The following LRCH1 variants were observed in gnomAD, a reference collection of about 807,000 sequenced individuals.
LRCH1 encodes leucine rich repeats and calponin homology domain containing 1.
In LRCH1, 23 loss-of-function variants were observed where a neutral mutation model predicts 94.9. The ratio of observed to expected loss-of-function variants is 0.24; its 90% CI spans 0.17 to 0.34. The LOEUF (loss-of-function observed/expected upper bound fraction) is 0.34. LRCH1 is among the 10% of genes least tolerant of loss of function. The pLI, the probability that LRCH1 is intolerant of heterozygous loss-of-function variation, is 1.00. For synonymous variants in LRCH1, 364 were observed against 354.9 expected (o/e 1.03, Z -0.29); for missense variants, 790 against 945.9 (o/e 0.84, Z 2.16).
intron 1 of LRCH1, among the ~76,000 whole-genome samples, chr13:46,556,458 TAATAGGTG>T (rs1243479063): frequency 6.6e-6 from 1 of 152,200 alleles, no homozygotes; most frequent in Non-Finnish European, 1.5e-5. Flanking sequence ...TCTAGTCTTT[TAATAGGTG>T]AAACGGGGAA....
chr13:46,671,634 G>A (rs920980084), intron 3 of LRCH1, among the ~76,000 whole-genome samples: 1 of 152,158 alleles, frequency 6.6e-6, no homozygotes, highest in Non-Finnish European at 1.5e-5. Context: ...TGAAAGTGAC[G>A]GTCATATGCT....
chr13:46,604,973 T>G lies in LRCH1; in HGVS notation c.308-45228T>G, dbSNP rs542883626. Among the ~76,000 whole-genome samples, 16 of 152,316 alleles carry G rather than the reference T, an allele frequency of 1.1e-4. 1 individual carries two copies. The South Asian group carries it at 3.3e-3, about 32-fold the overall frequency. ...TGAACAAAAGCTTAGATGAGAAAAGTCCATCTGATTGATGCCTGGCTAATT... is the reference window on the plus strand; with the variant it reads ...TGAACAAAAGCTTAGATGAGAAAAGGCCATCTGATTGATGCCTGGCTAATT... On this transcript the variant is annotated intron_variant, in intron 1 of 19. Transcript: ENST00000389797.
At chr13:46,616,950 G>T (rs938947913) in intron 1 of LRCH1, among the ~76,000 whole-genome samples, 1 of 152,240 alleles carries the variant, frequency 6.6e-6, no homozygotes, top group Admixed American at 6.5e-5. Flanking sequence ...TCTTAAGGGT[G>T]GGGGAGATTA....
At chr13:46,687,122 A>G (rs1378998936) in intron 5 of LRCH1, among the ~76,000 whole-genome samples, 1 of 151,610 alleles carries the variant, frequency 6.6e-6, no homozygotes, top group Non-Finnish European at 1.5e-5. Context: ...CCACACCTGG[A>G]TAGTTTTTGT....
chr13:46,750,713 C>T (rs1213637335), exon 19 of LRCH1: 2 of 1,160,704 alleles, frequency 1.7e-6, no homozygotes, highest in African/African-American at 1.5e-5. Context: ...AACTCTGCTC[C>T]AGGCACCTGT....
Position 46,658,367 on chromosome 13 carries a change from A to G in LRCH1, c.452+8022A>G, listed in dbSNP as rs528745431. Among the ~76,000 whole-genome samples, 3 of 152,258 alleles carry G rather than the reference A, an allele frequency of 2.0e-5. No individual in the cohort carries two copies. The East Asian group carries it at 5.8e-4, about 29-fold the overall frequency. Reference sequence around the variant, plus strand: ...TTTTAAGTCCACAATTTCCCTGTCCATAGTGCTTTAGCTGACTCCTAAAAG... The same window carrying G: ...TTTTAAGTCCACAATTTCCCTGTCCGTAGTGCTTTAGCTGACTCCTAAAAG... On this transcript the variant is annotated intron_variant, in intron 2 of 19. Transcript: ENST00000389797.
chr13:46,581,353 G>C (rs1056192269), intron 1 of LRCH1, among the ~76,000 whole-genome samples: 8 of 152,184 alleles, frequency 5.3e-5, no homozygotes, highest in Admixed American at 1.3e-4. Flanking sequence ...GGCTAGGTGG[G>C]AAGGCCTGGG....
At chr13:46,674,510 A>G (rs1453103528) in intron 3 of LRCH1, among the ~76,000 whole-genome samples, 1 of 152,212 alleles carries the variant, frequency 6.6e-6, no homozygotes, top group Admixed American at 6.5e-5. Context: ...GGGTCATTTC[A>G]GATGGGAATG....
At chr13:46,745,664 A>G (rs1054308301), downstream of LRCH1, among the ~76,000 whole-genome samples, 4 of 152,224 alleles carry the variant, frequency 2.6e-5, no homozygotes, top group Admixed American at 6.5e-5. Flanking sequence ...AAACTGATGC[A>G]GGAACTTAAA....
At chr13:46,734,052 A>G (rs888728133) in intron 19 of LRCH1, 54 bp downstream of exon 19, 2 of 992,974 alleles carry the variant, frequency 2.0e-6, no homozygotes, top group African/African-American at 1.6e-5. Context: ...TTTATTTAAT[A>G]TATGAGTTTG....
At chr13:46,751,995 T>C (rs918080333) in exon 19 of LRCH1, 4 of 152,406 alleles carry the variant, frequency 2.6e-5, no homozygotes, top group Non-Finnish European at 4.4e-5. Context: ...AGTGAGTCGT[T>C]GTGAGCCTGT....
At chr13:46,628,601 G>A (rs2050978850) in intron 1 of LRCH1, among the ~76,000 whole-genome samples, 2 of 146,326 alleles carry the variant, frequency 1.4e-5, no homozygotes, top group African/African-American at 5.1e-5. Flanking sequence ...AGGTTGCAGT[G>A]AGCCGAGATC....
chr13:46,735,890 G>A (rs1246332866), intron 19 of LRCH1, among the ~76,000 whole-genome samples: 9 of 150,088 alleles, frequency 6.0e-5, no homozygotes, highest in Admixed American at 3.3e-4. Flanking sequence ...TCCACTTCCC[G>A]GGTTCAAGCG....
chr13:46,742,659 T>C lies in LRCH1; in HGVS notation c.*811T>C. 1 of 985,408 alleles carries C rather than the reference T, an allele frequency of 1.0e-6. No homozygotes were observed. The allele number at this position is 985,408 out of a possible 1,614,324, so 61.0% of individuals were successfully genotyped here. ...CTTAGAAAAGCGTTTTCCAGAGAGA[T>C]TTCTATTTTTGAACAATGGAACGGA... On this transcript the variant is annotated 3_prime_UTR_variant, in exon 20 of 20. Coordinates refer to ENST00000389797, the MANE Select transcript of LRCH1 (RefSeq NM_001164211.2).
At chr13:46,640,107 T>A (rs976406305) in intron 1 of LRCH1, among the ~76,000 whole-genome samples, 4 of 152,270 alleles carry the variant, frequency 2.6e-5, no homozygotes, top group African/African-American at 9.6e-5. Context: ...TAGAGAAAAC[T>A]GTTAAGTAAG....
chr13:46,720,715 TA>T (rs898115674), intron 16 of LRCH1, among the ~76,000 whole-genome samples: 1 of 152,146 alleles, frequency 6.6e-6, no homozygotes, highest in Non-Finnish European at 1.5e-5. Context: ...AAATAGGAAT[TA>T]AAAGAAAAGA....
intron 1 of LRCH1, among the ~76,000 whole-genome samples, chr13:46,614,745 G>A (rs1401884854): frequency 6.6e-6 from 1 of 152,162 alleles, no homozygotes; most frequent in Admixed American, 6.5e-5. Context: ...GCCAGACTCA[G>A]ATGAAAGGTA....
chr13:46,633,033 A>C (rs2051037650), intron 1 of LRCH1, among the ~76,000 whole-genome samples: 1 of 152,244 alleles, frequency 6.6e-6, no homozygotes, highest in African/African-American at 2.4e-5. Flanking sequence ...TGAATAAACT[A>C]TTTCTAGCCT....
chr13:46,663,545 C>A (rs2051476131), intron 2 of LRCH1, among the ~76,000 whole-genome samples: 1 of 152,160 alleles, frequency 6.6e-6, no homozygotes, highest in South Asian at 2.1e-4. Context: ...CATATAAAGA[C>A]AACAGTCAGG....
Sources: gnomAD v4.1 joint callset for allele counts (sites outside exome capture counted in the v4.1 genomes callset) on GRCh38, gnomAD v4.1.1 for gene constraint, MANE v1.5 for transcripts, NCBI Gene and HGNC (gene_info 2026-07-23, HGNC 2026-07-21) for gene names.